Variants in DIS3L2 observed in about 807,000 individuals in gnomAD.
DIS3L2 encodes the protein DIS3 like 3'-5' exoribonuclease 2, also known as DIS3-like exonuclease 2.
In DIS3L2, 34 loss-of-function variants were observed where a neutral mutation model predicts 97.5. That is an observed-to-expected ratio of 0.35 (90% CI 0.27 to 0.46). The LOEUF is 0.46. Ranked by LOEUF, DIS3L2 falls within the 20% of genes least tolerant of loss-of-function variation. The pLI is 1.00. For synonymous variants in DIS3L2, 435 were observed against 445.2 expected (o/e 0.98, Z 0.29); for missense variants, 1,038 against 1,146.0 (o/e 0.91, Z 1.36).
intron 6 of DIS3L2, among the ~76,000 whole-genome samples, chr2:232,093,779 G>A (rs1431225282): frequency 6.6e-6 from 1 of 151,910 alleles, no homozygotes; most frequent in East Asian, 1.9e-4. Context: ...CTAAAGATTT[G>A]TCAGTTTTGT....
At chr2:232,038,479 A>C (rs1404614075) in intron 5 of DIS3L2, among the ~76,000 whole-genome samples, 1 of 152,216 alleles carries the variant, frequency 6.6e-6, no homozygotes, top group Non-Finnish European at 1.5e-5. Flanking sequence ...GCACCAGTGG[A>C]GCTCTACAGA....
At chr2:232,203,552 A>G (rs1371029341) in intron 9 of DIS3L2, among the ~76,000 whole-genome samples, 1 of 152,196 alleles carries the variant, frequency 6.6e-6, no homozygotes, top group East Asian at 1.9e-4. Context: ...TCGTTTTTTC[A>G]TTCATCTGTC....
chr2:232,330,385 T>G (rs1485852393), intron 15 of DIS3L2, among the ~76,000 whole-genome samples: 2 of 152,208 alleles, frequency 1.3e-5, no homozygotes, highest in African/African-American at 2.4e-5. Context: ...CCCAGGGCCT[T>G]GGCTGTGGTC....
chr2:232,022,775 C>T (rs907364789), intron 3 of DIS3L2, among the ~76,000 whole-genome samples: 1 of 152,166 alleles, frequency 6.6e-6, no homozygotes, highest in African/African-American at 2.4e-5. Context: ...CCATGCTATT[C>T]GTTAGGAAAT....
intron 6 of DIS3L2, among the ~76,000 whole-genome samples, chr2:232,124,595 A>G (rs1358182020): frequency 1.3e-5 from 2 of 152,158 alleles, no homozygotes; most frequent in African/African-American, 2.4e-5. Context: ...GACATAGAGA[A>G]CAGAGTGAGA....
chr2:232,156,977 T>A (rs1690512064), intron 8 of DIS3L2, among the ~76,000 whole-genome samples: 1 of 152,218 alleles, frequency 6.6e-6, no homozygotes, highest in South Asian at 2.1e-4. Context: ...TAAATGGTCA[T>A]ATTGGCAATT....
At chr2:232,224,426 TGA>T (rs1692585757) in intron 10 of DIS3L2, among the ~76,000 whole-genome samples, 1 of 152,208 alleles carries the variant, frequency 6.6e-6, no homozygotes, top group African/African-American at 2.4e-5. Context: ...AATAACCTTA[TGA>T]CCTTGGTGTA....
Position 232,330,725 on chromosome 2 carries a change from C to T in DIS3L2, c.1959C>T (p.Tyr653=), listed in dbSNP as rs2106349110. 6.2e-7 allele frequency: 1 copy of T among 1,613,838 alleles called. No individual in the cohort carries two copies. Among genetic ancestry groups the T allele is most frequent in the Admixed American group, 1.7e-5 (1 of 60,030 alleles). Residue 653 remains tyrosine, a synonymous_variant, in exon 16 of 21, where the codon TAC becomes TAT. Coordinates refer to ENST00000325385, the MANE Select transcript of DIS3L2 (RefSeq NM_152383.5). The part of the protein sequence containing the change: ...SLTQTFGDDK[Y]SLARKEVLTN... The stretch of plus-strand genomic sequence containing the variant: ...CCCAAACATTTGGAGATGACAAGTA[C>T]TCACTGGCCCGCAAGGAGGTGCTCA...
At chr2:232,101,800 C>T (rs762174286) in intron 6 of DIS3L2, among the ~76,000 whole-genome samples, 18 of 152,230 alleles carry the variant, frequency 1.2e-4, no homozygotes, top group Non-Finnish European at 2.2e-4. Flanking sequence ...CATTCTTTCT[C>T]CCCTAATAAA....
At chr2:232,120,414 C>T (rs937963497) in intron 6 of DIS3L2, among the ~76,000 whole-genome samples, 3 of 152,140 alleles carry the variant, frequency 2.0e-5, no homozygotes, top group African/African-American at 7.2e-5. Flanking sequence ...GATAAGTTCC[C>T]TTATCTCTAA....
rs1694156128 is a variant in DIS3L2 at position 232,276,873 on chromosome 2, G to A, written c.1659+13433G>A. ...CCGTAAAACACTTGGAACAGTGCCT[G>A]ACACATAGCAAGCACCCAGCAGGGA... On this transcript the variant is annotated intron_variant, in intron 13 of 20. Transcript: ENST00000325385. The surrounding 1 kb of genome is among the most constrained non-coding windows in gnomAD (Gnocchi z 4.4). Among the ~76,000 whole-genome samples, 1 of 152,212 alleles carries A rather than the reference G, an allele frequency of 6.6e-6. No homozygotes were observed. The highest frequency in any genetic ancestry group is 2.4e-5 in the African/African-American group (1 of 41,448).
chr2:232,019,558 T>TC lies in DIS3L2; in HGVS notation c.210+3887_210+3888insC, dbSNP rs1491129721. On this transcript the variant is annotated intron_variant, in intron 3 of 20. Transcript: ENST00000325385. Reference sequence around the variant, plus strand: ...CAGAGTGAGACCCTGTCTCTCTCTCTTTTTTTTTTTTTTTTAAAGAGTAAA... The same window carrying TC: ...CAGAGTGAGACCCTGTCTCTCTCTCTCTTTTTTTTTTTTTTTAAAGAGTAAA... Among the ~76,000 whole-genome samples the TC allele has an allele frequency of 0.019, 18 of 972 alleles. 1 individual carries two copies. In the Middle Eastern group the frequency reaches 0.5, roughly 27 times the overall value. 0.6% of individuals were successfully genotyped at this position (972 alleles called of 152,430 possible). A position where few individuals can be genotyped will look rare whatever the true frequency, so the allele number is the denominator to read the frequency against.
chr2:232,259,309 A>T (rs1693654671), intron 12 of DIS3L2, among the ~76,000 whole-genome samples: 2 of 152,158 alleles, frequency 1.3e-5, no homozygotes, highest in African/African-American at 4.8e-5. Context: ...AGGAAAAAAA[A>T]AAAGGAGCTC....
In DIS3L2 at chr2:232,105,061, G is replaced by A. The variant is rs144596549; in HGVS notation, c.601+17340G>A. Among the ~76,000 whole-genome samples, 8 of 152,186 alleles carry A rather than the reference G, an allele frequency of 5.3e-5. No individual in the cohort carries two copies. In the South Asian group the frequency reaches 8.3e-4, roughly 16 times the overall value. ...TCAAACTCTTGAGATCAAGTGGTCC[G>A]CCTGCCCTGGCCCCCCAAAGTGCTG... is the stretch of plus-strand genomic sequence containing the variant. On this transcript the variant is annotated intron_variant, in intron 6 of 20. Coordinates refer to ENST00000325385, the MANE Select transcript of DIS3L2 (RefSeq NM_152383.5).
chr2:232,062,319 T>C (rs1695735310), intron 5 of DIS3L2, among the ~76,000 whole-genome samples: 1 of 152,116 alleles, frequency 6.6e-6, no homozygotes, highest in African/African-American at 2.4e-5. Context: ...AGTAGGCCTC[T>C]TGAAGGGAGA....
At chr2:232,333,254 T>TTCCA (rs1695820870) in intron 16 of DIS3L2, among the ~76,000 whole-genome samples, 2 of 107,474 alleles carry the variant, frequency 1.9e-5, no homozygotes, top group African/African-American at 3.6e-5. Flanking sequence ...CTCCTCCTCC[T>TTCCA]CCGCTGTCGC....
At chr2:232,219,947 A>G (rs570821456) in intron 10 of DIS3L2, among the ~76,000 whole-genome samples, 2 of 152,228 alleles carry the variant, frequency 1.3e-5, no homozygotes, top group African/African-American at 2.4e-5. Flanking sequence ...ATATTGGCAA[A>G]TAGTCTTACT....
At chr2:232,144,644 A>G (rs981893949) in intron 8 of DIS3L2, among the ~76,000 whole-genome samples, 5 of 152,270 alleles carry the variant, frequency 3.3e-5, no homozygotes, top group Non-Finnish European at 5.9e-5. Flanking sequence ...GATACCAAGT[A>G]TAGGTCTTAC....
chr2:232,009,929 C>T (rs1321138431), intron 1 of DIS3L2, among the ~76,000 whole-genome samples: 1 of 152,164 alleles, frequency 6.6e-6, no homozygotes, highest in East Asian at 1.9e-4. Flanking sequence ...TTTTTGACAA[C>T]ACCTATGGGC....
Sources: gnomAD v4.1 joint callset for allele counts (sites outside exome capture counted in the v4.1 genomes callset) on GRCh38, gnomAD v4.1.1 for gene constraint, Gnocchi (gnomAD v3.1) non-coding constraint, MANE v1.5 for transcripts, NCBI Gene and HGNC (gene_info 2026-07-23, HGNC 2026-07-21) for gene names.